Variants in SNRNP70 observed in about 807,000 individuals in gnomAD.
The protein encoded by SNRNP70 is U1 small nuclear ribonucleoprotein 70 kDa.
SNRNP70 carries 8 observed loss-of-function variants against 50.5 expected under a neutral mutation model. The ratio of observed to expected loss-of-function variants is 0.16; its 90% CI spans 0.09 to 0.29. The LOEUF (loss-of-function observed/expected upper bound fraction) is 0.29. Among genes scored for constraint, SNRNP70 ranks in the 10% least tolerant of loss-of-function variants. The pLI, the probability that SNRNP70 is intolerant of heterozygous loss-of-function variation, is 1.00. For missense variants in SNRNP70, 529 were observed against 663.5 expected (o/e 0.80, Z 2.23); for synonymous variants, 320 against 252.9 (o/e 1.27, Z -2.52).
intron 2 of SNRNP70, 152 bp from the exon 3 acceptor site, chr19:49,090,139 C>G (rs1241148898): frequency 2.9e-6 from 2 of 685,940 alleles, no homozygotes; most frequent in African/African-American, 3.5e-5. Flanking sequence ...TGTGCCACTC[C>G]CCTCCCTCCA....
At chr19:49,091,726 C>T (rs769571139) in intron 4 of SNRNP70, among the ~76,000 whole-genome samples, 6 of 152,186 alleles carry the variant, frequency 3.9e-5, no homozygotes, top group Non-Finnish European at 7.3e-5. Context: ...TACGCAGAAG[C>T]GTGACAGAGA....
Position 49,107,725 on chromosome 19 carries a change from G to T in SNRNP70, c.665+13G>T. The T allele has an allele frequency of 6.2e-7, 1 of 1,613,764 alleles. No individual in the cohort carries two copies. Among genetic ancestry groups the T allele is most frequent in the South Asian group, 1.1e-5 (1 of 91,036 alleles). On this transcript the variant is annotated intron_variant, in intron 9 of 9. Transcript: ENST00000598441. The surrounding 1 kb of genome is among the most constrained non-coding windows in gnomAD (Gnocchi z 6.0). ...GCTACGATGAGAGGTAAGATTGGGC[G>T]ACCGGTGTCCTGGGGTGGGGGGCGG... is the stretch of plus-strand genomic sequence containing the variant.
intron 6 of SNRNP70, among the ~76,000 whole-genome samples, chr19:49,100,835 G>A (rs995216058): frequency 8.2e-5 from 12 of 145,484 alleles, no homozygotes; most frequent in East Asian, 6.0e-4. Flanking sequence ...AAGAATTCCC[G>A]TCCCATTGGC....
chr19:49,086,351 G>T, intron 1 of SNRNP70, 54 bp from the exon 2 acceptor site: 1 of 1,527,064 alleles, frequency 6.5e-7, no homozygotes, highest in Non-Finnish European at 8.8e-7. Context: ...AGTAACAGGG[G>T]CTTTCTCTGT....
At chr19:49,101,544 G>C in intron 7 of SNRNP70, 73 bp downstream of exon 7, 2 of 1,003,096 alleles carry the variant, frequency 2.0e-6, no homozygotes, top group South Asian at 2.6e-5. Context: ...CTCCCAGTCT[G>C]TCCCCTCCCC....
chr19:49,101,551 C>T lies in SNRNP70; in HGVS notation c.475+80C>T, dbSNP rs1048646882. The stretch of plus-strand genomic sequence containing the variant: ...CCCAGCCCCTCCCAGTCTGTCCCCT[C>T]CCCCACCCTGCCACACCTGACATTA... On this transcript the variant is annotated intron_variant, in intron 7 of 9. Coordinates refer to ENST00000598441, the MANE Select transcript of SNRNP70 (RefSeq NM_003089.6). The T allele has an allele frequency of 6.6e-6, 6 of 911,084 alleles. No homozygotes were observed. The African/African-American group carries it at 8.2e-5, about 12-fold the overall frequency. 56.4% of individuals were successfully genotyped at this position (911,084 alleles called of 1,614,324 possible). A position where few individuals can be genotyped will look rare whatever the true frequency, so the allele number is the denominator to read the frequency against.
intron 6 of SNRNP70, among the ~76,000 whole-genome samples, chr19:49,098,948 C>T (rs1348610044): frequency 6.6e-6 from 1 of 152,180 alleles, no homozygotes; most frequent in Non-Finnish European, 1.5e-5. Context: ...AGTTTTCCTG[C>T]TGCTCAGCCA....
rs1306367144 is a variant in SNRNP70, at chr19:49,104,978, C to T, written c.577+243C>T. Among the ~76,000 whole-genome samples the T allele has an allele frequency of 3.3e-5, 5 of 152,180 alleles. No homozygotes were observed. The highest frequency in any genetic ancestry group is 4.8e-5 in the African/African-American group (2 of 41,438). ...AGGCCTGAGCCCACATGCTGGCGTC[C>T]GCCCTTGCTAGCTGGGGGTCCCCTT... On this transcript the variant is annotated intron_variant, in intron 8 of 9. Coordinates refer to ENST00000598441, the MANE Select transcript of SNRNP70 (RefSeq NM_003089.6). This position sits in a 1 kb window ranked among gnomAD's most constrained non-coding sequence, Gnocchi z 5.4.
At chr19:49,090,945 C>T (rs183650357) in intron 4 of SNRNP70, among the ~76,000 whole-genome samples, 45 of 152,222 alleles carry the variant, frequency 3.0e-4, no homozygotes, top group Non-Finnish European at 6.2e-4. Context: ...TGCCATTAAC[C>T]AAACTCATAA....
chr19:49,089,266 C>T (rs1056283007), intron 2 of SNRNP70, among the ~76,000 whole-genome samples: 1 of 152,158 alleles, frequency 6.6e-6, no homozygotes, highest in Non-Finnish European at 1.5e-5. Flanking sequence ...AACATGCTGT[C>T]GTGTGCCTGT....
At chr19:49,094,172 T>G (rs941156003) in intron 4 of SNRNP70, among the ~76,000 whole-genome samples, 1 of 152,016 alleles carries the variant, frequency 6.6e-6, no homozygotes, top group African/African-American at 2.4e-5. Flanking sequence ...TTAAAAGCCT[T>G]TGTTAGAGAC....
intron 6 of SNRNP70, among the ~76,000 whole-genome samples, chr19:49,098,933 CTT>C (rs371652852): frequency 6.6e-6 from 1 of 152,300 alleles, no homozygotes; most frequent in East Asian, 1.9e-4. Context: ...AAACTACAGA[CTT>C]AAAGTTTTCC....
chr19:49,091,262 G>C, intron 4 of SNRNP70, among the ~76,000 whole-genome samples: 1 of 151,916 alleles, frequency 6.6e-6, no homozygotes, highest in East Asian at 1.9e-4. Context: ...CCAGCTACTC[G>C]GGAGACTGAG....
chr19:49,087,869 G>A (rs2040400995), intron 2 of SNRNP70: 2 of 152,200 alleles, frequency 1.3e-5, no homozygotes, highest in Admixed American at 6.5e-5. Context: ...GCGGGTGGTA[G>A]GTGCCCTTTG....
chr19:49,098,557 CAAAT>C, intron 5 of SNRNP70, 66 bp downstream of exon 5: 1 of 1,595,852 alleles, frequency 6.3e-7, no homozygotes, highest in Non-Finnish European at 8.6e-7. Context: ...GCACAAAGGT[CAAAT>C]AGGCTAGGTA....
At chr19:49,101,549 C>T in intron 7 of SNRNP70, 78 bp downstream of exon 7, 1 of 915,734 alleles carries the variant, frequency 1.1e-6, no homozygotes, top group Non-Finnish European at 1.8e-6. Context: ...AGTCTGTCCC[C>T]TCCCCCACCC....
intron 7 of SNRNP70, chr19:49,102,837 A>G (rs2040607344): frequency 6.6e-6 from 1 of 152,566 alleles, no homozygotes; most frequent in Admixed American, 6.6e-5. Context: ...AGAGAGGGAA[A>G]GAGAGAGAGA....
intron 8 of SNRNP70, among the ~76,000 whole-genome samples, chr19:49,105,553 C>T (rs907186373): frequency 2.6e-5 from 4 of 151,820 alleles, no homozygotes; most frequent in South Asian, 4.2e-4. Context: ...ATGTTGAAAC[C>T]GCATCTCTAC....
intron 8 of SNRNP70, among the ~76,000 whole-genome samples, chr19:49,105,466 C>T (rs1334937158): frequency 6.6e-6 from 1 of 151,848 alleles, no homozygotes; most frequent in Non-Finnish European, 1.5e-5. Context: ...CGTGGTGGCT[C>T]GCCTGTAATC....
Sources: allele counts gnomAD v4.1 joint callset (sites outside exome capture counted in the v4.1 genomes callset), GRCh38; gene constraint gnomAD v4.1.1; non-coding constraint Gnocchi (gnomAD v3.1); transcripts MANE v1.5; gene names NCBI Gene and HGNC (gene_info 2026-07-23, HGNC 2026-07-21).